Variants in RAB11FIP4 observed in about 807,000 individuals in gnomAD.
RAB11FIP4 encodes the protein RAB11 family interacting protein 4.
Under a neutral mutation model 74.3 loss-of-function variants are expected in RAB11FIP4, and 23 were observed. That is an observed-to-expected ratio of 0.31 (90% CI 0.22 to 0.44). RAB11FIP4 has a LOEUF of 0.44. Ranked by LOEUF, RAB11FIP4 falls within the 20% of genes least tolerant of loss-of-function variation. The pLI is 1.00. For missense variants in RAB11FIP4, 630 were observed against 863.9 expected (o/e 0.73, Z 3.39); for synonymous variants, 360 against 359.9 (o/e 1.00, Z 0.00).
chr17:31,405,106 G>A (rs1003016202), intron 1 of RAB11FIP4, among the ~76,000 whole-genome samples: 2 of 152,254 alleles, frequency 1.3e-5, no homozygotes, highest in Admixed American at 6.5e-5. Flanking sequence ...TAGAAGTAGC[G>A]TGGGTTGGGG....
At chr17:31,417,505 TTCACCCTAC>T (rs2071159599) in intron 1 of RAB11FIP4, among the ~76,000 whole-genome samples, 1 of 152,176 alleles carries the variant, frequency 6.6e-6, no homozygotes, top group South Asian at 2.1e-4. Context: ...GAGTTTCAAC[TTCACCCTAC>T]TCCAAGCCAA....
Position 31,528,468 on chromosome 17 carries a change from C to CCT in RAB11FIP4, c.1420_1421dup (p.Tyr475CysfsTer5). 6.2e-7 allele frequency: 1 copy of CCT among 1,613,688 alleles called. No homozygotes were observed. The highest frequency in any genetic ancestry group is 8.5e-7 in the Non-Finnish European group (1 of 1,180,042). ...GCCTGCGGCTCAAAGATGAGATGGA[C>CCT]CTGTACAAGCGCATGATGGACAAGC... On this transcript the variant is annotated frameshift_variant, in exon 12 of 15. Transcript: ENST00000621161. LOFTEE classifies it high-confidence loss of function.
At chr17:31,526,562 G>A (rs1421574035) in intron 10 of RAB11FIP4, 1 of 152,276 alleles carries the variant, frequency 6.6e-6, no homozygotes, top group African/African-American at 2.4e-5. Context: ...AGAACGGGAT[G>A]CTCTGCAGGA....
chr17:31,496,486 C>A (rs908248614), intron 3 of RAB11FIP4, among the ~76,000 whole-genome samples: 1 of 152,230 alleles, frequency 6.6e-6, no homozygotes, highest in Non-Finnish European at 1.5e-5. Flanking sequence ...ACTGGTGTTC[C>A]AAGGGCTTCT....
intron 3 of RAB11FIP4, among the ~76,000 whole-genome samples, chr17:31,505,633 A>AATAATAATTATATATAATAT (rs1567681534): frequency 8.5e-5 from 6 of 70,806 alleles, no homozygotes; most frequent in African/African-American, 2.8e-4. Flanking sequence ...ATAATTATAT[A>AATAATAATTATATATAATAT]ATAATAATTA....
chr17:31,441,484 A>G (rs1201613570), intron 3 of RAB11FIP4, among the ~76,000 whole-genome samples: 1 of 151,828 alleles, frequency 6.6e-6, no homozygotes. Flanking sequence ...TTTGGTGTTA[A>G]TCTTGTCATG....
intron 3 of RAB11FIP4, among the ~76,000 whole-genome samples, chr17:31,444,642 C>T (rs1567657733): frequency 6.6e-6 from 1 of 152,170 alleles, no homozygotes; most frequent in Non-Finnish European, 1.5e-5. Context: ...CTAACCCAAC[C>T]CTGACGCCCA....
intron 1 of RAB11FIP4, among the ~76,000 whole-genome samples, chr17:31,420,491 C>T (rs887699942): frequency 7.2e-5 from 11 of 152,022 alleles, no homozygotes; most frequent in African/African-American, 1.9e-4. Context: ...CCTTGGCCTC[C>T]CAAAGTGCTG....
chr17:31,537,438 C>G lies in RAB11FIP4; in HGVS notation c.*5706C>G. 2.6e-6 allele frequency: 1 copy of G among 385,442 alleles called. No individual in the cohort carries two copies. The highest frequency in any genetic ancestry group is 2.1e-5 in the African/African-American group (1 of 48,512). The allele number at this position is 385,442 out of a possible 1,614,324, so 23.9% of individuals were successfully genotyped here. A position where few individuals can be genotyped will look rare whatever the true frequency, so the allele number is the denominator to read the frequency against. ...TCCAGCCTGCAGCTAATTTAGGAGC[C>G]TTGCATTCCAGAAAAGGGCAACTTT... On this transcript the variant is annotated 3_prime_UTR_variant, in exon 15 of 15. Transcript: ENST00000621161.
At chr17:31,483,053 C>T (rs966367498) in intron 3 of RAB11FIP4, among the ~76,000 whole-genome samples, 3 of 151,654 alleles carry the variant, frequency 2.0e-5, no homozygotes, top group Non-Finnish European at 2.9e-5. Context: ...ATTAGCCAGG[C>T]GTGGTGTCAT....
At chr17:31,505,537 TTA>T (rs1276931589) in intron 3 of RAB11FIP4, among the ~76,000 whole-genome samples, 10 of 62,504 alleles carry the variant, frequency 1.6e-4, no homozygotes, top group Non-Finnish European at 2.9e-4. Context: ...TATATAATTA[TTA>T]TATATTATAT....
chr17:31,520,200 C>T (rs1035994085), intron 4 of RAB11FIP4, among the ~76,000 whole-genome samples: 1 of 151,622 alleles, frequency 6.6e-6, no homozygotes. Context: ...TAGAGACGAT[C>T]GAGTATACAG....
At chr17:31,419,287 G>GTTTTTTT (rs61327359) in intron 1 of RAB11FIP4, among the ~76,000 whole-genome samples, 13 of 137,758 alleles carry the variant, frequency 9.4e-5, no homozygotes. Context: ...GAGTTTTTTT[G>GTTTTTTT]TTTTTTTTTT....
intron 3 of RAB11FIP4, among the ~76,000 whole-genome samples, chr17:31,503,365 A>G (rs1374495618): frequency 1.3e-5 from 2 of 149,796 alleles, no homozygotes; most frequent in East Asian, 3.9e-4. Flanking sequence ...ACTATCTACA[A>G]ATACAGTCAC....
At chr17:31,444,504 T>G (rs941107754) in intron 3 of RAB11FIP4, among the ~76,000 whole-genome samples, 1 of 152,168 alleles carries the variant, frequency 6.6e-6, no homozygotes, top group Non-Finnish European at 1.5e-5. Context: ...AAGCCCCTTT[T>G]GTTCGTTGCC....
chr17:31,527,832 CT>C lies in RAB11FIP4; in HGVS notation c.1275-7del. ...CAGGTTTCTGAGATTTGTCTTTCTC[CT>C]TTCGCCAGGGTGCAGCAGTTGGAGG... On this transcript the variant is annotated splice_polypyrimidine_tract_variant and intron_variant, in intron 10 of 14. Coordinates refer to ENST00000621161, the MANE Select transcript of RAB11FIP4 (RefSeq NM_032932.6). 6.3e-7 allele frequency: 1 copy of C among 1,598,360 alleles called. No individual in the cohort carries two copies. The highest frequency in any genetic ancestry group is 8.5e-7 in the Non-Finnish European group (1 of 1,172,522).
rs141890291 is a variant in RAB11FIP4, at chr17:31,529,671, T to C, written c.1654-655T>C. ...AGGTGGTGCTGGGTGAAGTGTCAGC[T>C]CTGCCTGACCCTGCAGGTGGAAGAG... On this transcript the variant is annotated intron_variant, in intron 13 of 14. Transcript: ENST00000621161. 7.6e-4 allele frequency among the ~76,000 whole-genome samples: 116 copies of C among 152,282 alleles called. 1 individual carries two copies. The highest frequency in any genetic ancestry group is 2.7e-3 in the African/African-American group (113 of 41,566).
At chr17:31,523,079 G>A (rs998458494) in intron 7 of RAB11FIP4, 4 of 226,400 alleles carry the variant, frequency 1.8e-5, no homozygotes, top group East Asian at 9.3e-5. Flanking sequence ...TCCCAGAGAC[G>A]TAGCAGGAGC....
At chr17:31,444,588 C>T (rs942054436) in intron 3 of RAB11FIP4, among the ~76,000 whole-genome samples, 9 of 152,124 alleles carry the variant, frequency 5.9e-5, no homozygotes, top group Admixed American at 3.9e-4. Flanking sequence ...AGACGCTAAG[C>T]TGAGCTGGCC....
Sources: gnomAD v4.1 joint callset for allele counts (sites outside exome capture counted in the v4.1 genomes callset) on GRCh38, gnomAD v4.1.1 for gene constraint, MANE v1.5 for transcripts, NCBI Gene and HGNC (gene_info 2026-07-23, HGNC 2026-07-21) for gene names.